COL25A1: variants seen among roughly 807,000 people sequenced by gnomAD.
COL25A1 encodes the protein collagen alpha-1(XXV) chain.
A neutral mutation model predicts 128.4 loss-of-function variants in COL25A1; 103 were observed. The ratio of observed to expected loss-of-function variants is 0.80; its 90% CI spans 0.68 to 0.94. COL25A1 has a LOEUF of 0.94. Among genes scored for constraint, COL25A1 ranks in the 40% least tolerant of loss-of-function variants. COL25A1 has a pLI of 0.00. For synonymous variants in COL25A1, 279 were observed against 277.2 expected (o/e 1.01, Z -0.06); for missense variants, 745 against 840.0 (o/e 0.89, Z 1.40).
chr4:109,012,429 G>C (rs1326658537), intron 5 of COL25A1, among the ~76,000 whole-genome samples: 1 of 152,158 alleles, frequency 6.6e-6, no homozygotes, highest in Non-Finnish European at 1.5e-5. Flanking sequence ...GTCTGGGCTG[G>C]CCAAGGCCGG....
intron 13 of COL25A1, among the ~76,000 whole-genome samples, chr4:108,902,803 G>A (rs1742994587): frequency 6.6e-6 from 1 of 151,802 alleles, no homozygotes; most frequent in Non-Finnish European, 1.5e-5. Flanking sequence ...AATAATGATG[G>A]TCATTATGGG....
intron 13 of COL25A1, among the ~76,000 whole-genome samples, chr4:108,911,728 AGT>A (rs1415599334): frequency 6.6e-6 from 1 of 151,744 alleles, no homozygotes; most frequent in Non-Finnish European, 1.5e-5. Context: ...TATAAAATGC[AGT>A]GTGTTTTACA....
At chr4:109,275,706 G>T (rs1296550141) in intron 3 of COL25A1, among the ~76,000 whole-genome samples, 3 of 152,130 alleles carry the variant, frequency 2.0e-5, no homozygotes, top group Non-Finnish European at 2.9e-5. Flanking sequence ...TCATAGAAAC[G>T]ACTATTCCTA....
intron 3 of COL25A1, among the ~76,000 whole-genome samples, chr4:109,197,486 TTATATATAA>T (rs1227082900): frequency 7.6e-4 from 96 of 126,582 alleles, no homozygotes; most frequent in Non-Finnish European, 1.3e-3. Flanking sequence ...ATATTATATA[TTATATATAA>T]ATATATATTA....
chr4:109,212,408 T>C (rs1777641633), intron 3 of COL25A1, among the ~76,000 whole-genome samples: 1 of 152,158 alleles, frequency 6.6e-6, no homozygotes, highest in Admixed American at 6.5e-5. Context: ...TATTATGATA[T>C]AGAGGCTGAG....
At chr4:108,874,577 T>C (rs1009506750) in intron 19 of COL25A1, among the ~76,000 whole-genome samples, 1 of 152,170 alleles carries the variant, frequency 6.6e-6, no homozygotes, top group Non-Finnish European at 1.5e-5. Context: ...CAGAGATCCT[T>C]TGAAAAGGGC....
rs78631722 is a variant in COL25A1, at chr4:108,890,401, G to A, written c.907-668C>T. On this transcript the variant is annotated intron_variant, in intron 16 of 37. Transcript: ENST00000399132. ...TGAGGGGGACACATGTGAGCTCTGA[G>A]AGAAAGTCTTGAGAATCTGTTTTTT... 4.6e-4 allele frequency among the ~76,000 whole-genome samples: 70 copies of A among 152,334 alleles called. No homozygotes were observed. The East Asian group carries it at 0.013, about 29-fold the overall frequency.
At chr4:109,165,557 A>G (rs950276276) in intron 3 of COL25A1, among the ~76,000 whole-genome samples, 5 of 152,082 alleles carry the variant, frequency 3.3e-5, no homozygotes, top group Non-Finnish European at 7.4e-5. Flanking sequence ...CTCTACAAGA[A>G]ATTTTAAAAG....
Position 108,901,131 on chromosome 4 carries a change from T to A in COL25A1, c.822A>T (p.Ile274=). ...GLPGAVGQNG[I]PGPKGEPGEQ... ...TATTTGTACTAACCTTAGGTCCTGG[T>A]ATTCCATTCTGTCCTACTGCTCCAG... The change falls in exon 14 of 38, where the codon ATA becomes ATT. Residue 274 remains isoleucine (I), a synonymous_variant. Coordinates refer to ENST00000399132, the MANE Select transcript of COL25A1 (RefSeq NM_198721.4). The A allele has an allele frequency of 1.2e-6, 2 of 1,612,164 alleles. No individual in the cohort carries two copies. Among genetic ancestry groups the A allele is most frequent in the Non-Finnish European group, 1.7e-6 (2 of 1,178,466 alleles).
At chr4:108,878,773 T>C (rs1739757857) in intron 19 of COL25A1, among the ~76,000 whole-genome samples, 1 of 152,166 alleles carries the variant, frequency 6.6e-6, no homozygotes, top group Non-Finnish European at 1.5e-5. Flanking sequence ...TGAAAGCATA[T>C]TCCTTGTATT....
intron 3 of COL25A1, among the ~76,000 whole-genome samples, chr4:109,110,298 T>C (rs1353811880): frequency 6.6e-5 from 10 of 152,202 alleles, no homozygotes; most frequent in Admixed American, 3.9e-4. Flanking sequence ...AAGCCTCATT[T>C]ATTCTCTGGA....
chr4:108,917,860 A>C (rs914249297), intron 13 of COL25A1, among the ~76,000 whole-genome samples: 2 of 152,222 alleles, frequency 1.3e-5, no homozygotes, highest in African/African-American at 4.8e-5. Context: ...TATCACTATC[A>C]ATGTTAAACA....
intron 3 of COL25A1, among the ~76,000 whole-genome samples, chr4:109,221,431 T>C (rs1778403447): frequency 6.6e-6 from 1 of 152,176 alleles, no homozygotes; most frequent in African/African-American, 2.4e-5. Flanking sequence ...TTGTTTGAAA[T>C]AGTAATGGAT....
chr4:108,936,893 C>T (rs944777256), intron 11 of COL25A1, among the ~76,000 whole-genome samples: 29 of 151,362 alleles, frequency 1.9e-4, no homozygotes, highest in African/African-American at 6.3e-4. Flanking sequence ...ATCCTCCCCT[C>T]GCTGGCTTCC....
At chr4:109,242,859 A>G (rs1779991633) in intron 3 of COL25A1, among the ~76,000 whole-genome samples, 1 of 152,112 alleles carries the variant, frequency 6.6e-6, no homozygotes, top group African/African-American at 2.4e-5. Context: ...ACCACAGTCA[A>G]GTCACTTAAG....
intron 3 of COL25A1, among the ~76,000 whole-genome samples, chr4:109,161,606 T>C (rs1327235876): frequency 1.3e-5 from 2 of 152,240 alleles, no homozygotes; most frequent in Non-Finnish European, 2.9e-5. Flanking sequence ...TCTGCTGCAC[T>C]CTGAATTGTG....
At chr4:109,012,851 A>C (rs1296399349) in intron 5 of COL25A1, among the ~76,000 whole-genome samples, 1 of 152,152 alleles carries the variant, frequency 6.6e-6, no homozygotes, top group Non-Finnish European at 1.5e-5. Flanking sequence ...AGGGCTGAGG[A>C]GTGCAGGCGC....
At chr4:108,999,053 G>C (rs1219142581) in intron 6 of COL25A1, among the ~76,000 whole-genome samples, 2 of 152,126 alleles carry the variant, frequency 1.3e-5, no homozygotes, top group Non-Finnish European at 2.9e-5. Flanking sequence ...ACATAGGCAT[G>C]GGCAAAAAGT....
At chr4:109,103,953 C>A (rs1766153372) in intron 3 of COL25A1, among the ~76,000 whole-genome samples, 2 of 152,148 alleles carry the variant, frequency 1.3e-5, no homozygotes, top group South Asian at 4.1e-4. Flanking sequence ...AAATGGGAAT[C>A]ATTTCTTTTC....
Sources: gnomAD v4.1 joint callset for allele counts (sites outside exome capture counted in the v4.1 genomes callset) on GRCh38, gnomAD v4.1.1 for gene constraint, MANE v1.5 for transcripts, NCBI Gene and HGNC (gene_info 2026-07-23, HGNC 2026-07-21) for gene names.